LRRC9: variants seen among roughly 807,000 people sequenced by gnomAD.
LRRC9 encodes leucine rich repeat containing 9.
LRRC9 carries 122 observed loss-of-function variants against 63.2 expected under a neutral mutation model. That is an observed-to-expected ratio of 1.93 (90% CI 1.67 to 2.24). The LOEUF is 2.24. Among genes scored for constraint, LRRC9 ranks in the 30% most tolerant of loss-of-function variants. The pLI is 0.00. For synonymous variants in LRRC9, 366 were observed against 213.1 expected, an observed-to-expected ratio of 1.72 and a Z score of -6.25; for missense variants, 1,071 against 627.7, an observed-to-expected ratio of 1.71 and a Z score of -7.55.
chr14:60,026,436 G>T (rs1267821294), intron 27 of LRRC9, among the ~76,000 whole-genome samples: 2 of 151,900 alleles, frequency 1.3e-5, no homozygotes, highest in African/African-American at 4.8e-5. Flanking sequence ...CCTTTTTCCT[G>T]TTGAGTTGTT....
intron 9 of LRRC9, among the ~76,000 whole-genome samples, chr14:59,960,692 T>G (rs751728712): frequency 6.6e-6 from 1 of 152,210 alleles, no homozygotes. Context: ...GCAAGGATAG[T>G]CTTCTAGCCT....
chr14:60,044,690 T>C (rs192932197), intron 29 of LRRC9, among the ~76,000 whole-genome samples: 2 of 152,188 alleles, frequency 1.3e-5, no homozygotes, highest in Non-Finnish European at 2.9e-5. Flanking sequence ...TGTACAAACA[T>C]GTTTTGTAGC....
At position 60,027,797 on chromosome 14, in the gene LRRC9, G is replaced by C; in HGVS notation, c.3704-87G>C. 1 of 496,700 alleles carries C rather than the reference G, an allele frequency of 2.0e-6. No homozygotes were observed. The highest frequency in any genetic ancestry group is 3.6e-6 in the Non-Finnish European group (1 of 281,244). The allele number at this position is 496,700 out of a possible 1,614,324, so 30.8% of individuals were successfully genotyped here. A position where few individuals can be genotyped will look rare whatever the true frequency, so the allele number is the denominator to read the frequency against. On this transcript the variant is annotated intron_variant, in intron 27 of 31. Coordinates refer to ENST00000445360, the Ensembl canonical transcript of LRRC9. The surrounding 1 kb of genome is among the most constrained non-coding windows in gnomAD (Gnocchi z 4.0). The stretch of plus-strand genomic sequence containing the variant: ...CTTTACTTCTTTTGACAAATCATCT[G>C]ATTAAAAAATATTTAAATGTAAGTA...
chr14:59,977,661 G>A lies in LRRC9; in HGVS notation c.1762+314G>A, dbSNP rs140319760. 4.6e-5 allele frequency among the ~76,000 whole-genome samples: 7 copies of A among 150,906 alleles called. No homozygotes were observed. In the East Asian group the frequency reaches 5.9e-4, roughly 13 times the overall value. On this transcript the variant is annotated intron_variant, in intron 14 of 31. Coordinates refer to ENST00000445360, the Ensembl canonical transcript of LRRC9. ...TTTAACAAGAGTTTTAGAGAAATACGTTTGTCAAAATTGCATGGCCACACA... is the reference window on the plus strand; with the variant it reads ...TTTAACAAGAGTTTTAGAGAAATACATTTGTCAAAATTGCATGGCCACACA...
intron 29 of LRRC9, among the ~76,000 whole-genome samples, chr14:60,043,756 C>CTTTTTTTTTTTTTTTTTTTT (rs368065898): frequency 2.8e-5 from 2 of 71,556 alleles, no homozygotes; most frequent in Admixed American, 1.4e-4. Context: ...TTTTCTTTTC[C>CTTTTTTTTTTTTTTTTTTTT]TTTTTTTTTT....
intron 17 of LRRC9, among the ~76,000 whole-genome samples, chr14:59,995,767 G>A (rs530727642): frequency 4.0e-5 from 6 of 151,652 alleles, no homozygotes; most frequent in Admixed American, 2.0e-4. Flanking sequence ...TTTTTGAGAC[G>A]GAATGTTGCT....
chr14:60,006,263 T>G, intron 21 of LRRC9, 134 bp from the exon 22 acceptor site: 1 of 538,480 alleles, frequency 1.9e-6, no homozygotes, highest in Non-Finnish European at 3.3e-6. Flanking sequence ...AAAGCAATGA[T>G]GGTTAGTATT....
At chr14:59,976,782 T>A (rs1886330747) in intron 13 of LRRC9, among the ~76,000 whole-genome samples, 1 of 152,174 alleles carries the variant, frequency 6.6e-6, no homozygotes, top group Non-Finnish European at 1.5e-5. Context: ...ATTTAATGAA[T>A]CCCAAGGATC....
At chr14:59,952,016 G>A (rs967945607) in intron 8 of LRRC9, among the ~76,000 whole-genome samples, 9 of 151,998 alleles carry the variant, frequency 5.9e-5, no homozygotes, top group Admixed American at 5.9e-4. Context: ...CTTGAGCTGT[G>A]GTGGGCTCCA....
intron 29 of LRRC9, among the ~76,000 whole-genome samples, chr14:60,048,675 GGACCA>G (rs1002878888): frequency 2.0e-5 from 3 of 152,030 alleles, no homozygotes; most frequent in African/African-American, 7.2e-5. Context: ...AAAAAGCCCA[GGACCA>G]GACAAATTTA....
At chr14:60,030,945 A>G (rs1891941340) in intron 28 of LRRC9, among the ~76,000 whole-genome samples, 3 of 152,086 alleles carry the variant, frequency 2.0e-5, no homozygotes, top group Admixed American at 2.0e-4. Context: ...TATCTTCTAC[A>G]GATTTAATAG....
chr14:60,045,691 T>G (rs1893362276), intron 29 of LRRC9, among the ~76,000 whole-genome samples: 1 of 152,236 alleles, frequency 6.6e-6, no homozygotes, highest in East Asian at 1.9e-4. Flanking sequence ...GCATGTGGGT[T>G]GAGTCCATGT....
intron 8 of LRRC9, among the ~76,000 whole-genome samples, chr14:59,953,716 T>C (rs1883417054): frequency 6.6e-6 from 1 of 152,232 alleles, no homozygotes. Flanking sequence ...TTTGGTGTTT[T>C]AGTCATGAAG....
intron 30 of LRRC9, among the ~76,000 whole-genome samples, chr14:60,055,932 G>A (rs1454105765): frequency 6.6e-6 from 1 of 151,456 alleles, no homozygotes; most frequent in Non-Finnish European, 1.5e-5. Context: ...GTATTGGCAG[G>A]GCTGCATTTT....
rs566158310 is a variant in LRRC9, at chr14:59,979,347, G to A, written c.1878+1215G>A. Among the ~76,000 whole-genome samples the A allele has an allele frequency of 2.0e-5, 3 of 152,242 alleles. No homozygotes were observed. The East Asian group carries it at 5.8e-4, about 29-fold the overall frequency. On this transcript the variant is annotated intron_variant, in intron 15 of 31. Transcript: ENST00000445360. Reference sequence around the variant, plus strand: ...TTGTAAGAAAAACTCGGCCAGGTGCGGTGGCTCACGCCTGTAATCCCAGCA... The same window carrying A: ...TTGTAAGAAAAACTCGGCCAGGTGCAGTGGCTCACGCCTGTAATCCCAGCA...
At chr14:59,978,821 T>C (rs1314284986) in intron 15 of LRRC9, among the ~76,000 whole-genome samples, 1 of 152,172 alleles carries the variant, frequency 6.6e-6, no homozygotes, top group African/African-American at 2.4e-5. Context: ...AAAGGATATA[T>C]GCATCTTAAA....
At position 59,962,448 on chromosome 14, in the gene LRRC9, G is replaced by C. The variant is rs1160062199; in HGVS notation, c.1211+1403G>C. Among the ~76,000 whole-genome samples, 1 of 151,720 alleles carries C rather than the reference G, an allele frequency of 6.6e-6. No individual in the cohort carries two copies. Among genetic ancestry groups the C allele is most frequent in the Non-Finnish European group, 1.5e-5 (1 of 67,974 alleles). On this transcript the variant is annotated intron_variant, in intron 10 of 31. Coordinates refer to ENST00000445360, the Ensembl canonical transcript of LRRC9. The surrounding 1 kb of genome is among the most constrained non-coding windows in gnomAD (Gnocchi z 5.1). ...AGATAGAGTCTCGCTGTGTCCCCGAGACTGGAGTGCAGTGGCCCGATCTCA... is the reference window on the plus strand; with the variant it reads ...AGATAGAGTCTCGCTGTGTCCCCGACACTGGAGTGCAGTGGCCCGATCTCA...
rs1433446103 is a variant in LRRC9 at position 60,006,473 on chromosome 14, T to C, written c.2919T>C (p.Phe973=). The change falls in exon 22 of 32, where the codon TTT becomes TTC. Residue 973 remains phenylalanine, a synonymous_variant. Transcript: ENST00000445360. ...TCACTGGTTGGGAAGAGCATACCTT[T>C]GATAACATGCTTCATCTTCACTCGC... 7 of 702,008 alleles carry C rather than the reference T, an allele frequency of 1.0e-5. No homozygotes were observed. In the Admixed American group the frequency reaches 1.2e-4, roughly 12 times the overall value. The allele number at this position is 702,008 out of a possible 1,614,324, so 43.5% of individuals were successfully genotyped here. A position where few individuals can be genotyped will look rare whatever the true frequency, so the allele number is the denominator to read the frequency against.
chr14:59,993,709 A>G (rs1400953351), intron 17 of LRRC9, among the ~76,000 whole-genome samples: 2 of 152,338 alleles, frequency 1.3e-5, no homozygotes, highest in East Asian at 3.9e-4. Flanking sequence ...ATCAAAAGAG[A>G]CAAAGAAGGC....
Sources: gnomAD v4.1 joint callset for allele counts (sites outside exome capture counted in the v4.1 genomes callset) on GRCh38, gnomAD v4.1.1 for gene constraint, Gnocchi (gnomAD v3.1) non-coding constraint, MANE v1.5 for transcripts, NCBI Gene and HGNC (gene_info 2026-07-23, HGNC 2026-07-21) for gene names.